BLTP3B: variants seen among roughly 807,000 people sequenced by gnomAD.
BLTP3B encodes the protein bridge-like lipid transfer protein family member 3B, also known as UHRF1 (ICBP90) binding protein 1-like.
the BLTP3B span, among the ~76,000 whole-genome samples, chr12:100,126,713 C>CA: frequency 6.6e-6 from 1 of 151,876 alleles, no homozygotes; most frequent in Non-Finnish European, 1.5e-5. Flanking sequence ...TTAACAGCGC[C>CA]AAGGATGGAA....
the BLTP3B span, among the ~76,000 whole-genome samples, chr12:100,134,830 T>C: frequency 1.4e-4 from 22 of 152,216 alleles, no homozygotes; most frequent in African/African-American, 5.3e-4. Context: ...ATCCACATCT[T>C]ACCTGTCGGT....
At chr12:100,055,898 T>C in the BLTP3B span, among the ~76,000 whole-genome samples, 1 of 152,278 alleles carries the variant, frequency 6.6e-6, no homozygotes, top group East Asian at 1.9e-4. Flanking sequence ...GCTGTGTTAC[T>C]TTGGATTCGT....
chr12:100,050,184 A>G, the BLTP3B span: 3 of 1,543,214 alleles, frequency 1.9e-6, no homozygotes, highest in Non-Finnish European at 1.7e-6. Flanking sequence ...GACGATTACA[A>G]AGGTAATGCC....
the BLTP3B span, among the ~76,000 whole-genome samples, chr12:100,040,211 T>C: frequency 6.6e-6 from 1 of 152,132 alleles, no homozygotes; most frequent in Admixed American, 6.5e-5. Flanking sequence ...TATAAAGGAA[T>C]ACTATAAACA....
the BLTP3B span, among the ~76,000 whole-genome samples, chr12:100,120,801 G>C: frequency 6.6e-6 from 1 of 152,148 alleles, no homozygotes; most frequent in East Asian, 1.9e-4. Flanking sequence ...GTAAGAGAGA[G>C]AGAGAGAGAG....
the BLTP3B span, among the ~76,000 whole-genome samples, chr12:100,119,341 A>T: frequency 2.0e-5 from 3 of 152,192 alleles, no homozygotes; most frequent in Non-Finnish European, 4.4e-5. Context: ...ATTAAACTCA[A>T]TACTGTTAAA....
the BLTP3B span, among the ~76,000 whole-genome samples, chr12:100,086,959 G>A: frequency 6.6e-6 from 1 of 152,194 alleles, no homozygotes; most frequent in African/African-American, 2.4e-5. Flanking sequence ...AGGAGTTCGA[G>A]ACCAGCCTGG....
chr12:100,109,717 G>A, the BLTP3B span, among the ~76,000 whole-genome samples: 1 of 150,494 alleles, frequency 6.6e-6, no homozygotes. Flanking sequence ...AGTGAGCTGA[G>A]ATTGTGCCAC....
At chr12:100,117,868 G>A in the BLTP3B span, among the ~76,000 whole-genome samples, 1 of 152,104 alleles carries the variant, frequency 6.6e-6, no homozygotes, top group Non-Finnish European at 1.5e-5. Flanking sequence ...TCTTGATATG[G>A]AGCAGGGCCT....
chr12:100,067,208 C>T, the BLTP3B span, among the ~76,000 whole-genome samples: 6,964 of 152,076 alleles, frequency 0.046, 235 homozygotes, highest in South Asian at 0.069. Flanking sequence ...GAGGAAAGTT[C>T]ATAGTTCTAA....
At chr12:100,142,509 C>A in the BLTP3B span, 1 of 1,481,238 alleles carries the variant, frequency 6.8e-7, no homozygotes, top group Non-Finnish European at 9.2e-7. Flanking sequence ...CCGCCAGGCG[C>A]CGCCGCCCCC....
the BLTP3B span, among the ~76,000 whole-genome samples, chr12:100,115,162 T>G: frequency 1.3e-5 from 2 of 152,174 alleles, no homozygotes; most frequent in Non-Finnish European, 2.9e-5. Context: ...TCTCAGCACT[T>G]CGGAAGGCCA....
the BLTP3B span, among the ~76,000 whole-genome samples, chr12:100,077,439 T>A: frequency 1.3e-5 from 2 of 152,244 alleles, no homozygotes; most frequent in African/African-American, 2.4e-5. Flanking sequence ...AAATAACTGT[T>A]AAATCAGTTT....
chr12:100,137,706 TA>T, the BLTP3B span, among the ~76,000 whole-genome samples: 1 of 152,168 alleles, frequency 6.6e-6, no homozygotes, highest in African/African-American at 2.4e-5. Context: ...ACTTCAAAAA[TA>T]AGACTGCTTT....
the BLTP3B span, among the ~76,000 whole-genome samples, chr12:100,119,990 G>A: frequency 6.6e-6 from 1 of 152,148 alleles, no homozygotes; most frequent in Non-Finnish European, 1.5e-5. Context: ...ACCATAGACT[G>A]GGAAAAAATA....
the BLTP3B span, chr12:100,098,427 C>G: frequency 6.2e-7 from 1 of 1,613,994 alleles, no homozygotes; most frequent in Non-Finnish European, 8.5e-7. Flanking sequence ...CACTATAGAT[C>G]CGAAGCTGAG....
At chr12:100,113,683 C>G in the BLTP3B span, among the ~76,000 whole-genome samples, 2 of 151,158 alleles carry the variant, frequency 1.3e-5, no homozygotes, top group East Asian at 3.9e-4. Flanking sequence ...ATAGGCCAGA[C>G]AGGTTGGCTC....
At chr12:100,037,293 T>C in the BLTP3B span, 1 of 1,009,854 alleles carries the variant, frequency 9.9e-7, no homozygotes, top group Middle Eastern at 4.9e-4. Context: ...CAAGAGGTTT[T>C]CCTTTTACAT....
At chr12:100,052,794 T>TG in the BLTP3B span, among the ~76,000 whole-genome samples, 447 of 145,296 alleles carry the variant, frequency 3.1e-3, 2 homozygotes, top group African/African-American at 0.011. Flanking sequence ...TTTTCTGTTT[T>TG]TTTTTTTTTT....
Sources: allele counts gnomAD v4.1 joint callset (sites outside exome capture counted in the v4.1 genomes callset), GRCh38; gene constraint gnomAD v4.1.1; transcripts MANE v1.5; gene names NCBI Gene and HGNC (gene_info 2026-07-23, HGNC 2026-07-21).